CRYBG3: variants seen among roughly 807,000 people sequenced by gnomAD.
The protein encoded by CRYBG3 is very large A-kinase anchor protein.
Under a neutral mutation model 244.2 loss-of-function variants are expected in CRYBG3, and 127 were observed. The observed-to-expected ratio is 0.52, with a 90% CI of 0.45 to 0.60. The LOEUF (loss-of-function observed/expected upper bound fraction) is 0.60, where lower values mean the gene tolerates loss of function less well. CRYBG3 is among the 20% of genes least tolerant of loss of function. CRYBG3 has a pLI of 0.00. For missense variants in CRYBG3, 3,325 were observed against 3,442.5 expected (o/e 0.97, Z 0.85); for synonymous variants, 1,132 against 1,195.8 (o/e 0.95, Z 1.10).
chr3:97,940,534 T>C (rs1170258161), intron 19 of CRYBG3, among the ~76,000 whole-genome samples: 1 of 152,070 alleles, frequency 6.6e-6, no homozygotes, highest in Non-Finnish European at 1.5e-5. Flanking sequence ...AAACTTTTTG[T>C]ATGTATCTTA....
Position 97,836,401 on chromosome 3 carries a change from A to G in CRYBG3, c.150-6794A>G, listed in dbSNP as rs371744128. 3.9e-5 allele frequency among the ~76,000 whole-genome samples: 6 copies of G among 152,016 alleles called. No individual in the cohort carries two copies. The South Asian group carries it at 1.2e-3, about 32-fold the overall frequency. On this transcript the variant is annotated intron_variant, in intron 1 of 21. Transcript: ENST00000389622. ...CGTTAATAGCCATTAAAAAAAATACAAGTACCACTCTTCTGCTGGCAGACA... is the reference window on the plus strand; with the variant it reads ...CGTTAATAGCCATTAAAAAAAATACGAGTACCACTCTTCTGCTGGCAGACA...
rs149246818 is a variant in CRYBG3, at chr3:97,919,938, G to A, written c.8241+4202G>A. ...GCACCACCATGTCTGGCTAGTTTTT[G>A]TGTGTTTTTTTGGTTGAGATGGGGT... On this transcript the variant is annotated intron_variant, in intron 17 of 21. Coordinates refer to ENST00000389622, the MANE Select transcript of CRYBG3 (RefSeq NM_153605.4). Among the ~76,000 whole-genome samples the A allele has an allele frequency of 6.0e-3, 907 of 152,080 alleles. 10 individuals are homozygous for A. Among genetic ancestry groups the A allele is most frequent in the African/African-American group, 0.021 (862 of 41,490 alleles).
chr3:97,855,758 G>C (rs1387851531), intron 2 of CRYBG3, among the ~76,000 whole-genome samples: 1 of 152,158 alleles, frequency 6.6e-6, no homozygotes, highest in Non-Finnish European at 1.5e-5. Context: ...GCAAAAACCA[G>C]CAAGTTTTTG....
intron 7 of CRYBG3, among the ~76,000 whole-genome samples, chr3:97,882,911 C>T (rs1253792118): frequency 1.3e-5 from 2 of 152,168 alleles, no homozygotes; most frequent in East Asian, 3.8e-4. Context: ...TGAGCCAATA[C>T]TGTGGTGTGC....
chr3:97,844,649 A>G (rs2038872643), intron 2 of CRYBG3, among the ~76,000 whole-genome samples: 1 of 152,110 alleles, frequency 6.6e-6, no homozygotes, highest in Non-Finnish European at 1.5e-5. Context: ...CTTTCACCTA[A>G]ATAAATCTTC....
In CRYBG3 at chr3:97,875,962, A is replaced by T. The variant is rs1274161400; in HGVS notation, c.4768A>T (p.Asn1590Tyr). ...LNVTKTEPKA[N>Y]VFKMGEVYQM... Reference sequence around the variant, plus strand: ...TGTCACGAAAACTGAGCCAAAAGCTAATGTTTTTAAAATGGGAGAAGTATA... The same window carrying T: ...TGTCACGAAAACTGAGCCAAAAGCTTATGTTTTTAAAATGGGAGAAGTATA... Residue 1590 changes from asparagine (N) to tyrosine (Y), a missense_variant, in exon 4 of 22, where the codon AAT becomes TAT. Around this residue, in one of 4 missense-constraint regions of CRYBG3, gnomAD observed 635 missense variants for 771.7 expected, o/e 0.82. Transcript: ENST00000389622. The T allele has an allele frequency of 4.9e-6, 6 of 1,232,012 alleles. No homozygotes were observed. In the Admixed American group the frequency reaches 2.5e-4, roughly 52 times the overall value. The allele number at this position is 1,232,012 out of a possible 1,614,324, so 76.3% of individuals were successfully genotyped here.
chr3:97,933,888 G>T, intron 18 of CRYBG3, 55 bp downstream of exon 18: 1 of 1,530,104 alleles, frequency 6.5e-7, no homozygotes, highest in Non-Finnish European at 9.0e-7. Context: ...AGACAGAGTT[G>T]CAGAGTTGCA....
chr3:97,906,999 A>T (rs1220838362), intron 15 of CRYBG3, among the ~76,000 whole-genome samples: 5 of 151,646 alleles, frequency 3.3e-5, no homozygotes, highest in Non-Finnish European at 5.9e-5. Flanking sequence ...ATCTATTGAG[A>T]TAATCATGTG....
At chr3:97,860,815 C>A (rs1200749361) in intron 2 of CRYBG3, among the ~76,000 whole-genome samples, 1 of 151,904 alleles carries the variant, frequency 6.6e-6, no homozygotes, top group Non-Finnish European at 1.5e-5. Context: ...GACTTGTAAT[C>A]TTTTTTTTCC....
rs2038961609 is a variant in CRYBG3 at position 97,850,033 on chromosome 3, C to T, written c.216+6772C>T. ...GTGAGCTTCAGGGTGATAAAGCCTG[C>T]TATTTCACGGACCTCTCCTCTCAGA... is the stretch of plus-strand genomic sequence containing the variant. On this transcript the variant is annotated intron_variant, in intron 2 of 21. Coordinates refer to ENST00000389622, the MANE Select transcript of CRYBG3 (RefSeq NM_153605.4). Among the ~76,000 whole-genome samples the T allele has an allele frequency of 2.0e-5, 3 of 152,108 alleles. No individual in the cohort carries two copies. In the South Asian group the frequency reaches 6.2e-4, roughly 32 times the overall value.
intron 2 of CRYBG3, among the ~76,000 whole-genome samples, chr3:97,848,634 C>T (rs1266939084): frequency 2.6e-5 from 4 of 152,166 alleles, no homozygotes; most frequent in Non-Finnish European, 5.9e-5. Context: ...CTTGCTATGT[C>T]TGTCTGGCCT....
At position 97,936,843 on chromosome 3, in the gene CRYBG3, G is replaced by A. The variant is rs760899188; in HGVS notation, c.8440G>A (p.Glu2814Lys). Residue 2814 changes from glutamate to lysine, a missense_variant, in exon 19 of 22, where the codon GAG becomes AAG. Transcript: ENST00000389622. ...AAGACAAATCCTACTCAGGCCTAAT[G>A]AGATCCCAAACTGGACAGCATTCAG... ...LGRQILLRPN[E>K]IPNWTAFSRW... 51 of 1,612,920 alleles carry A rather than the reference G, an allele frequency of 3.2e-5. No individual in the cohort carries two copies. Among genetic ancestry groups the A allele is most frequent in the Non-Finnish European group, 3.2e-5 (38 of 1,179,378 alleles).
At chr3:97,884,051 G>C (rs1169595746) in intron 7 of CRYBG3, among the ~76,000 whole-genome samples, 1 of 151,964 alleles carries the variant, frequency 6.6e-6, no homozygotes, top group Non-Finnish European at 1.5e-5. Context: ...GTGTGAGACA[G>C]TTAGTTACGT....
intron 1 of CRYBG3, among the ~76,000 whole-genome samples, chr3:97,830,165 T>C (rs1483139997): frequency 6.6e-6 from 1 of 152,330 alleles, no homozygotes; most frequent in South Asian, 2.1e-4. Flanking sequence ...CCAAGTGCTG[T>C]ACTATGGTTA....
chr3:97,873,522 A>T lies in CRYBG3; in HGVS notation c.2328A>T (p.Leu776Phe). Residue 776 changes from leucine to phenylalanine, a missense_variant, in exon 4 of 22, where the codon TTA (leucine) becomes TTT (phenylalanine). By Grantham distance (22) the Leu-to-Phe change is conservative (BLOSUM62 0). Coordinates refer to ENST00000389622, the MANE Select transcript of CRYBG3 (RefSeq NM_153605.4). ...TCTCTAAGGATTGCAGTTCCATTTT[A>T]TCTCAAGACCCTAATAGAGTAGAGT... ...GNLSKDCSSILSQDPNRVELV... is the reference protein window; with the variant it reads ...GNLSKDCSSIFSQDPNRVELV... 6.5e-7 allele frequency: 1 copy of T among 1,535,994 alleles called. No homozygotes were observed.
At chr3:97,830,038 A>G (rs1265441890) in intron 1 of CRYBG3, among the ~76,000 whole-genome samples, 3 of 152,184 alleles carry the variant, frequency 2.0e-5, no homozygotes, top group African/African-American at 7.2e-5. Flanking sequence ...ATGAGCACTC[A>G]GCTATTTTAT....
In CRYBG3 at chr3:97,876,565, A is replaced by T; in HGVS notation, c.5371A>T (p.Thr1791Ser). Reference sequence around the variant, plus strand: ...GAAAATGGAAGCTACTTACCGAAAGACTGCTGAAGAGGTCATTAAGAATAC... The same window carrying T: ...GAAAATGGAAGCTACTTACCGAAAGTCTGCTGAAGAGGTCATTAAGAATAC... ...VLKMEATYRK[T>S]AEEVIKNTEI... The change falls in exon 4 of 22, where the codon ACT becomes TCT. Residue 1791 changes from threonine (T) to serine (S), a missense_variant. By Grantham distance (58) the Thr-to-Ser change is moderately conservative. Around this residue, in one of 4 missense-constraint regions of CRYBG3, gnomAD observed 635 missense variants for 771.7 expected, o/e 0.82. Transcript: ENST00000389622. The T allele has an allele frequency of 8.1e-7, 1 of 1,232,290 alleles. No individual in the cohort carries two copies. Among genetic ancestry groups the T allele is most frequent in the Non-Finnish European group, 1.0e-6 (1 of 988,060 alleles). The allele number at this position is 1,232,290 out of a possible 1,614,324, so 76.3% of individuals were successfully genotyped here.
intron 1 of CRYBG3, among the ~76,000 whole-genome samples, chr3:97,823,653 G>T (rs2038539430): frequency 6.6e-6 from 1 of 152,216 alleles, no homozygotes; most frequent in South Asian, 2.1e-4. Context: ...GTGTCAGCTA[G>T]TTCTGTTGGT....
chr3:97,862,539 C>G (rs1246315687), intron 2 of CRYBG3, among the ~76,000 whole-genome samples: 1 of 152,038 alleles, frequency 6.6e-6, no homozygotes, highest in African/African-American at 2.4e-5. Flanking sequence ...TACAATAAAC[C>G]AAATTGTTAA....
Sources: allele counts gnomAD v4.1 joint callset (sites outside exome capture counted in the v4.1 genomes callset), GRCh38; gene constraint gnomAD v4.1.1; regional missense constraint gnomAD v4.1.1; transcripts MANE v1.5; gene names NCBI Gene and HGNC (gene_info 2026-07-23, HGNC 2026-07-21).